The following KCNIP1 variants were observed in gnomAD, a reference collection of about 807,000 sequenced individuals.
KCNIP1 encodes the protein potassium voltage-gated channel interacting protein 1, also known as A-type potassium channel modulatory protein KCNIP1.
KCNIP1 carries 18 observed loss-of-function variants against 33.0 expected under a neutral mutation model. That is an observed-to-expected ratio of 0.55 (90% confidence interval 0.38 to 0.81). The LOEUF is 0.81. Among genes scored for constraint, KCNIP1 ranks in the 30% least tolerant of loss-of-function variants. The pLI, the probability that KCNIP1 is intolerant of heterozygous loss-of-function variation, is 0.00. For missense variants in KCNIP1, 238 were observed against 271.6 expected, an observed-to-expected ratio of 0.88 and a Z score of 0.87; for synonymous variants, 93 against 98.3, an observed-to-expected ratio of 0.95 and a Z score of 0.32.
intron 1 of KCNIP1, among the ~76,000 whole-genome samples, chr5:170,689,805 G>C (rs963073060): frequency 5.9e-5 from 9 of 152,200 alleles, no homozygotes; most frequent in Non-Finnish European, 1.3e-4. Context: ...TGATGTCAAA[G>C]ACGAAGATTG....
At chr5:170,698,403 T>A (rs142331807) in intron 1 of KCNIP1, among the ~76,000 whole-genome samples, 12 of 152,292 alleles carry the variant, frequency 7.9e-5, no homozygotes, top group African/African-American at 2.4e-4. Flanking sequence ...CAAGCAGACC[T>A]GTATTTGAGC....
chr5:170,699,008 G>T (rs2113832156), intron 1 of KCNIP1, among the ~76,000 whole-genome samples: 1 of 152,228 alleles, frequency 6.6e-6, no homozygotes, highest in Admixed American at 6.5e-5. Flanking sequence ...GACAGCCCTG[G>T]CCTCTGGGCT....
chr5:170,384,129 C>T (rs992110850), intron 1 of KCNIP1, among the ~76,000 whole-genome samples: 6 of 152,192 alleles, frequency 3.9e-5, no homozygotes, highest in Admixed American at 6.5e-5. Context: ...AAAAGATTCC[C>T]GTGTCCAAGC....
chr5:170,557,878 G>A (rs2113444612), intron 1 of KCNIP1, among the ~76,000 whole-genome samples: 1 of 152,300 alleles, frequency 6.6e-6, no homozygotes, highest in Non-Finnish European at 1.5e-5. Flanking sequence ...AGGTTGTTCT[G>A]AAGATTAAAT....
chr5:170,590,799 G>C (rs1325778876), intron 1 of KCNIP1, among the ~76,000 whole-genome samples: 1 of 152,236 alleles, frequency 6.6e-6, no homozygotes, highest in South Asian at 2.1e-4. Flanking sequence ...TGCCATGGCA[G>C]CCAGTGCAGC....
intron 1 of KCNIP1, among the ~76,000 whole-genome samples, chr5:170,394,713 AG>A (rs1242044912): frequency 3.3e-5 from 5 of 152,172 alleles, no homozygotes; most frequent in African/African-American, 9.7e-5. Context: ...GAGTGAACAT[AG>A]TACCCAAAAA....
At chr5:170,490,721 A>G (rs1757188009) in intron 1 of KCNIP1, among the ~76,000 whole-genome samples, 1 of 152,120 alleles carries the variant, frequency 6.6e-6, no homozygotes, top group African/African-American at 2.4e-5. Context: ...TGCTTATAAA[A>G]TCCACACTCC....
chr5:170,389,023 G>T (rs1764601491), intron 1 of KCNIP1, among the ~76,000 whole-genome samples: 1 of 152,168 alleles, frequency 6.6e-6, no homozygotes. Flanking sequence ...TGGCCACTCT[G>T]AGAACTGGGA....
chr5:170,580,119 A>G (rs2113514720), intron 1 of KCNIP1, among the ~76,000 whole-genome samples: 1 of 152,262 alleles, frequency 6.6e-6, no homozygotes. Context: ...TGATTGCTTC[A>G]GCATCTGAAT....
At chr5:170,500,619 G>A (rs1160254404), upstream of KCNIP1, among the ~76,000 whole-genome samples, 1 of 152,168 alleles carries the variant, frequency 6.6e-6, no homozygotes, top group Non-Finnish European at 1.5e-5. Flanking sequence ...CAGGCAGAGG[G>A]CCTGTTATCA....
At chr5:170,569,966 A>G (rs965214261) in intron 1 of KCNIP1, among the ~76,000 whole-genome samples, 1 of 152,180 alleles carries the variant, frequency 6.6e-6, no homozygotes, top group East Asian at 1.9e-4. Flanking sequence ...GACATTTGAT[A>G]TCTGGCTGTT....
At chr5:170,643,461 T>C (rs1760657374) in intron 1 of KCNIP1, among the ~76,000 whole-genome samples, 1 of 152,250 alleles carries the variant, frequency 6.6e-6, no homozygotes, top group Non-Finnish European at 1.5e-5. Context: ...TGCTCTGCAG[T>C]GTGCTGGAGC....
intron 1 of KCNIP1, among the ~76,000 whole-genome samples, chr5:170,533,143 C>T (rs1044504404): frequency 5.9e-5 from 9 of 152,070 alleles, no homozygotes; most frequent in Admixed American, 1.3e-4. Context: ...AGGCAGTCAG[C>T]GTGGAACACC....
intron 1 of KCNIP1, among the ~76,000 whole-genome samples, chr5:170,715,756 T>C (rs565849214): frequency 1.3e-5 from 2 of 152,354 alleles, no homozygotes; most frequent in African/African-American, 4.8e-5. Context: ...TAGTATTACA[T>C]CTCAAGTTAA....
intron 1 of KCNIP1, among the ~76,000 whole-genome samples, chr5:170,611,053 A>T (rs1759130506): frequency 6.6e-6 from 1 of 152,266 alleles, no homozygotes; most frequent in Non-Finnish European, 1.5e-5. Context: ...ATTAAGTGCC[A>T]AAGCCAGGAT....
intron 1 of KCNIP1, among the ~76,000 whole-genome samples, chr5:170,659,019 C>T (rs1357325009): frequency 1.3e-5 from 2 of 152,134 alleles, no homozygotes; most frequent in Admixed American, 6.5e-5. Context: ...TGTCCCCGGG[C>T]CCAGCATCAA....
intron 1 of KCNIP1, among the ~76,000 whole-genome samples, chr5:170,609,736 A>T (rs1759071303): frequency 6.6e-6 from 1 of 152,206 alleles, no homozygotes; most frequent in Non-Finnish European, 1.5e-5. Context: ...ACACTCCTGT[A>T]GTCCCAACTA....
chr5:170,667,070 T>C (rs1035359901), intron 1 of KCNIP1, among the ~76,000 whole-genome samples: 2 of 152,146 alleles, frequency 1.3e-5, no homozygotes, highest in African/African-American at 4.8e-5. Flanking sequence ...TCCCAACACT[T>C]TGAGAGGCCG....
At chr5:170,409,622 C>T (rs1755128113) in intron 1 of KCNIP1, among the ~76,000 whole-genome samples, 4 of 152,128 alleles carry the variant, frequency 2.6e-5, no homozygotes, top group African/African-American at 7.2e-5. Context: ...ATGGCCCGTT[C>T]CAGAGCTCCA....
Sources: allele counts gnomAD v4.1 joint callset (sites outside exome capture counted in the v4.1 genomes callset), GRCh38; gene constraint gnomAD v4.1.1; transcripts MANE v1.5; gene names NCBI Gene and HGNC (gene_info 2026-07-23, HGNC 2026-07-21).